The following ATRNL1 variants were observed in gnomAD, a reference collection of about 807,000 sequenced individuals.
The protein encoded by ATRNL1 is attractin like 1.
ATRNL1 carries 95 observed loss-of-function variants against 182.7 expected under a neutral mutation model. The ratio of observed to expected loss-of-function variants is 0.52; its 90% CI spans 0.44 to 0.62. The LOEUF is 0.62. Ranked by LOEUF, ATRNL1 falls within the 20% of genes least tolerant of loss-of-function variation. ATRNL1 has a pLI of 0.00. For synonymous variants in ATRNL1, 576 were observed against 568.3 expected (o/e 1.01, Z -0.19); for missense variants, 1,471 against 1,679.5 (o/e 0.88, Z 2.17).
intron 1 of ATRNL1, among the ~76,000 whole-genome samples, chr10:115,111,952 T>C (rs984138778): frequency 2.6e-5 from 4 of 152,022 alleles, no homozygotes; most frequent in Admixed American, 2.0e-4. Flanking sequence ...TAGTGGAAGA[T>C]AGTAGTCAGA....
At chr10:115,266,681 A>G (rs1851621506) in intron 11 of ATRNL1, 116 bp from the exon 12 acceptor site, 4 of 569,952 alleles carry the variant, frequency 7.0e-6, no homozygotes, top group Non-Finnish European at 1.2e-5. Flanking sequence ...GTACTAACAG[A>G]AGTACTTAAA....
chr10:115,370,367 A>G (rs111505558), intron 19 of ATRNL1, among the ~76,000 whole-genome samples: 2 of 152,218 alleles, frequency 1.3e-5, no homozygotes, highest in Non-Finnish European at 2.9e-5. Context: ...GCTCAGAAGA[A>G]GACAGGGAAA....
At chr10:115,142,872 T>A (rs1458058963) in intron 5 of ATRNL1, among the ~76,000 whole-genome samples, 6 of 152,146 alleles carry the variant, frequency 3.9e-5, no homozygotes, top group African/African-American at 1.4e-4. Context: ...CAAAGATGAC[T>A]AAGGTTTTTG....
At chr10:115,199,869 A>G (rs1848495393) in intron 8 of ATRNL1, among the ~76,000 whole-genome samples, 1 of 152,286 alleles carries the variant, frequency 6.6e-6, no homozygotes, top group South Asian at 2.1e-4. Flanking sequence ...GAATGCTTCT[A>G]TTCTTTCTAC....
At chr10:115,386,333 G>A (rs1380474827) in intron 19 of ATRNL1, among the ~76,000 whole-genome samples, 1 of 152,112 alleles carries the variant, frequency 6.6e-6, no homozygotes, top group African/African-American at 2.4e-5. Context: ...TTGCGGCAGC[G>A]CTCCTTTCAC....
chr10:115,218,504 ATCCATTCCT>A (rs1221846343), intron 9 of ATRNL1, among the ~76,000 whole-genome samples: 1 of 152,232 alleles, frequency 6.6e-6, no homozygotes, highest in African/African-American at 2.4e-5. Context: ...TGGGTCGCGT[ATCCATTCCT>A]TCCCAGTTTG....
At chr10:115,333,671 G>C (rs1483784340) in intron 18 of ATRNL1, among the ~76,000 whole-genome samples, 5 of 151,892 alleles carry the variant, frequency 3.3e-5, no homozygotes, top group Non-Finnish European at 5.9e-5. Flanking sequence ...ATTTTTAGTA[G>C]AGACAGGGTT....
chr10:115,720,211 C>A (rs1275007502), intron 26 of ATRNL1, among the ~76,000 whole-genome samples: 1 of 152,108 alleles, frequency 6.6e-6, no homozygotes, highest in African/African-American at 2.4e-5. Context: ...TACAAATGGA[C>A]AGATGTCAGG....
At chr10:115,828,070 C>G (rs1474195813) in intron 27 of ATRNL1, among the ~76,000 whole-genome samples, 5 of 152,094 alleles carry the variant, frequency 3.3e-5, no homozygotes, top group Non-Finnish European at 4.4e-5. Flanking sequence ...GTAATCCCAG[C>G]ACTTTGGGAG....
chr10:115,879,808 A>G (rs892112016), intron 28 of ATRNL1, among the ~76,000 whole-genome samples: 1 of 152,180 alleles, frequency 6.6e-6, no homozygotes, highest in Admixed American at 6.5e-5. Context: ...CCAGCAGCGG[A>G]GGCTGCAGTC....
At chr10:115,943,062 C>T (rs568165079) in intron 28 of ATRNL1, among the ~76,000 whole-genome samples, 10 of 152,308 alleles carry the variant, frequency 6.6e-5, no homozygotes, top group African/African-American at 9.6e-5. Flanking sequence ...GCTACAGCTC[C>T]GCATTTGTGG....
intron 25 of ATRNL1, among the ~76,000 whole-genome samples, chr10:115,547,098 A>G (rs1172585373): frequency 6.6e-6 from 1 of 151,776 alleles, no homozygotes; most frequent in African/African-American, 2.4e-5. Context: ...TACTAAAAAT[A>G]CAAAAAAATT....
rs142614108 is a variant in ATRNL1, at chr10:115,709,654, G to A, written c.3796-17594G>A. 3.3e-5 allele frequency among the ~76,000 whole-genome samples: 5 copies of A among 151,752 alleles called. No individual in the cohort carries two copies. In the East Asian group the frequency reaches 9.7e-4, roughly 29 times the overall value. Reference sequence around the variant, plus strand: ...GACAAATGAGAAGAAATAATGAACAGGAATTTATAGTATAAAGAAGAAGGA... The same window carrying A: ...GACAAATGAGAAGAAATAATGAACAAGAATTTATAGTATAAAGAAGAAGGA... On this transcript the variant is annotated intron_variant, in intron 26 of 28. Coordinates refer to ENST00000355044, the MANE Select transcript of ATRNL1 (RefSeq NM_207303.4).
At chr10:115,431,635 C>T (rs144434131) in intron 21 of ATRNL1, among the ~76,000 whole-genome samples, 255 of 152,030 alleles carry the variant, frequency 1.7e-3, no homozygotes, top group African/African-American at 5.8e-3. Flanking sequence ...AAAGTTAGCT[C>T]AATATCTTTC....
chr10:115,627,144 T>C (rs1451075568), intron 26 of ATRNL1, among the ~76,000 whole-genome samples: 1 of 152,134 alleles, frequency 6.6e-6, no homozygotes, highest in Middle Eastern at 3.2e-3. Context: ...TTTCAAAACA[T>C]TACAGCACCA....
chr10:115,819,814 A>T (rs566006615), intron 27 of ATRNL1: 2 of 152,224 alleles, frequency 1.3e-5, no homozygotes, highest in South Asian at 4.1e-4. Flanking sequence ...ACTAAACATG[A>T]AACATTGCCT....
chr10:115,852,676 G>GGCA, intron 28 of ATRNL1, among the ~76,000 whole-genome samples: 1 of 152,286 alleles, frequency 6.6e-6, no homozygotes, highest in South Asian at 2.1e-4. Flanking sequence ...CCTCATCACT[G>GGCA]TGTCCCTGTG....
intron 26 of ATRNL1, among the ~76,000 whole-genome samples, chr10:115,689,716 T>G (rs1343910018): frequency 6.6e-6 from 1 of 152,134 alleles, no homozygotes; most frequent in African/African-American, 2.4e-5. Flanking sequence ...CTGGTGTTGA[T>G]AGTGGCTGTA....
At chr10:115,837,075 G>A (rs988156311) in intron 27 of ATRNL1, among the ~76,000 whole-genome samples, 1 of 152,116 alleles carries the variant, frequency 6.6e-6, no homozygotes. Context: ...GAAAAAAGGA[G>A]CTTTGGGGAA....
Sources: gnomAD v4.1 joint callset for allele counts (sites outside exome capture counted in the v4.1 genomes callset) on GRCh38, gnomAD v4.1.1 for gene constraint, MANE v1.5 for transcripts, NCBI Gene and HGNC (gene_info 2026-07-23, HGNC 2026-07-21) for gene names.